Variants in ATP9B observed in about 807,000 individuals in gnomAD.
ATP9B encodes probable phospholipid-transporting ATPase IIB.
A neutral mutation model predicts 146.1 loss-of-function variants in ATP9B; 110 were observed. That is an observed-to-expected ratio of 0.75 (90% CI 0.65 to 0.88). ATP9B has a LOEUF of 0.88. ATP9B is among the 40% of genes least tolerant of loss of function. ATP9B has a pLI of 0.00. For synonymous variants in ATP9B, 604 were observed against 569.7 expected, an observed-to-expected ratio of 1.06 and a Z score of -0.86; for missense variants, 1,499 against 1,496.4, an observed-to-expected ratio of 1.00 and a Z score of -0.03.
intron 15 of ATP9B, among the ~76,000 whole-genome samples, chr18:79,318,799 G>T (rs1461928486): frequency 1.3e-5 from 2 of 152,088 alleles, no homozygotes. Flanking sequence ...CTTCTTTGTG[G>T]TATCTGGCCT....
intron 13 of ATP9B, among the ~76,000 whole-genome samples, chr18:79,293,147 G>A (rs1444448243): frequency 6.6e-6 from 1 of 150,752 alleles, no homozygotes; most frequent in African/African-American, 2.4e-5. Flanking sequence ...GATATCCCAT[G>A]CAAAAAATGA....
intron 11 of ATP9B, among the ~76,000 whole-genome samples, chr18:79,252,479 GA>G (rs1477519189): frequency 3.3e-5 from 5 of 152,312 alleles, no homozygotes; most frequent in Admixed American, 1.3e-4. Context: ...TTTCAGGGCT[GA>G]AAGCAAGCAA....
rs148485995 is a variant in ATP9B, at chr18:79,167,996, A to G, written c.779-8817A>G. On this transcript the variant is annotated intron_variant, in intron 7 of 29. Coordinates refer to ENST00000426216, the MANE Select transcript of ATP9B (RefSeq NM_198531.5). ...GAGAGGGCCAAGCCGGCAGAGTGCC[A>G]GGCATGTCAGCACTGCCCTGAGCAC... 4.9e-4 allele frequency among the ~76,000 whole-genome samples: 75 copies of G among 152,326 alleles called. No individual in the cohort carries two copies. The East Asian group carries it at 0.012, about 25-fold the overall frequency.
intron 2 of ATP9B, among the ~76,000 whole-genome samples, chr18:79,107,834 T>A (rs1278500719): frequency 6.6e-6 from 1 of 152,156 alleles, no homozygotes; most frequent in Non-Finnish European, 1.5e-5. Flanking sequence ...ATGATACTGA[T>A]GTGGCGGGAG....
At chr18:79,310,635 A>T (rs955845144) in intron 15 of ATP9B, among the ~76,000 whole-genome samples, 3 of 152,144 alleles carry the variant, frequency 2.0e-5, no homozygotes, top group Non-Finnish European at 2.9e-5. Context: ...GACAAGGCAC[A>T]AACTTCCAGG....
chr18:79,170,043 T>A (rs1230620972), intron 7 of ATP9B, among the ~76,000 whole-genome samples: 2 of 152,370 alleles, frequency 1.3e-5, no homozygotes, highest in East Asian at 3.9e-4. Flanking sequence ...TCCGTTTTGC[T>A]GCGGTGATCA....
At chr18:79,141,680 T>C (rs1387149659) in intron 5 of ATP9B, among the ~76,000 whole-genome samples, 1 of 152,176 alleles carries the variant, frequency 6.6e-6, no homozygotes, top group Non-Finnish European at 1.5e-5. Flanking sequence ...CAGGTGACAG[T>C]TGTGTGTTTT....
chr18:79,189,745 C>G (rs1185112238), intron 8 of ATP9B, among the ~76,000 whole-genome samples: 8 of 152,258 alleles, frequency 5.3e-5, no homozygotes, highest in Non-Finnish European at 8.8e-5. Flanking sequence ...TGGGCAGCCA[C>G]AGCTGCAGAC....
chr18:79,112,136 A>G (rs2093986456), intron 3 of ATP9B, among the ~76,000 whole-genome samples: 2 of 152,106 alleles, frequency 1.3e-5, no homozygotes, highest in South Asian at 4.1e-4. Flanking sequence ...AGATAACCTC[A>G]TTTTCTGAAA....
intron 13 of ATP9B, among the ~76,000 whole-genome samples, chr18:79,292,338 A>C (rs915232452): frequency 1.3e-5 from 2 of 152,208 alleles, no homozygotes; most frequent in Admixed American, 6.5e-5. Flanking sequence ...CTATTAATTA[A>C]AGGGGTTTGG....
At chr18:79,178,139 A>T (rs2095203021) in intron 8 of ATP9B, among the ~76,000 whole-genome samples, 1 of 152,124 alleles carries the variant, frequency 6.6e-6, no homozygotes, top group Non-Finnish European at 1.5e-5. Flanking sequence ...TCCTCACCTG[A>T]GGATGGGGCT....
At chr18:79,244,867 C>T (rs1004759631) in intron 11 of ATP9B, among the ~76,000 whole-genome samples, 3 of 152,206 alleles carry the variant, frequency 2.0e-5, no homozygotes, top group Non-Finnish European at 4.4e-5. Context: ...ATGGTCTTCC[C>T]TTTCTTACCA....
chr18:79,103,701 A>C (rs543129861), intron 2 of ATP9B, among the ~76,000 whole-genome samples: 1 of 152,314 alleles, frequency 6.6e-6, no homozygotes, highest in Admixed American at 6.5e-5. Flanking sequence ...GCTTTGGTAG[A>C]GATCATCAAT....
intron 29 of ATP9B, chr18:79,375,837 C>T (rs2097098972): frequency 1.0e-6 from 1 of 985,318 alleles, no homozygotes; most frequent in South Asian, 4.7e-5. Context: ...TTACAAAGGC[C>T]TCTAACTCTG....
chr18:79,337,024 C>T (rs117354171), intron 18 of ATP9B, among the ~76,000 whole-genome samples: 3 of 152,132 alleles, frequency 2.0e-5, no homozygotes, highest in Admixed American at 1.3e-4. Context: ...GGCGCCTCCC[C>T]CTCTGTCCCC....
At position 79,310,669 on chromosome 18, in the gene ATP9B, C is replaced by T. The variant is rs547929158; in HGVS notation, c.1773+3435C>T. ...GGATCATGGGACTAGATCTCGTGTC[C>T]TGAAGGCACTTCTCATGTCTGTGTG... On this transcript the variant is annotated intron_variant, in intron 15 of 29. Coordinates refer to ENST00000426216, the MANE Select transcript of ATP9B (RefSeq NM_198531.5). Among the ~76,000 whole-genome samples the T allele has an allele frequency of 2.0e-5, 3 of 152,256 alleles. No individual in the cohort carries two copies. In the South Asian group the frequency reaches 6.2e-4, roughly 32 times the overall value.
chr18:79,324,710 A>C (rs1355813618), intron 15 of ATP9B, among the ~76,000 whole-genome samples: 1 of 152,222 alleles, frequency 6.6e-6, no homozygotes, highest in Non-Finnish European at 1.5e-5. Context: ...TTTTCCCTTA[A>C]ATATGGAAAC....
chr18:79,253,788 A>G (rs943426832), intron 12 of ATP9B: 2 of 359,072 alleles, frequency 5.6e-6, no homozygotes, highest in African/African-American at 2.1e-5. Context: ...GTCTTCTTCA[A>G]CAATCAGAAG....
intron 6 of ATP9B, chr18:79,145,420 G>A (rs1185505642): frequency 3.6e-4 from 43 of 118,546 alleles, no homozygotes; most frequent in African/African-American, 1.6e-3. Flanking sequence ...GGGAGCTGGC[G>A]GTGTGCAGAG....
Sources: allele counts gnomAD v4.1 joint callset (sites outside exome capture counted in the v4.1 genomes callset), GRCh38; gene constraint gnomAD v4.1.1; transcripts MANE v1.5; gene names NCBI Gene and HGNC (gene_info 2026-07-23, HGNC 2026-07-21).